Variants in OPRM1 observed in about 807,000 individuals in gnomAD.
The protein encoded by OPRM1 is opioid receptor mu 1.
A neutral mutation model predicts 31.8 loss-of-function variants in OPRM1; 27 were observed. The observed-to-expected ratio is 0.85, with a 90% confidence interval of 0.63 to 1.17. The LOEUF is 1.17. Among genes scored for constraint, OPRM1 ranks in the 50% most tolerant of loss-of-function variants. The pLI is 0.00. For missense variants in OPRM1, 536 were observed against 511.1 expected (o/e 1.05, Z -0.47); for synonymous variants, 196 against 189.9 (o/e 1.03, Z -0.26).
At chr6:154,035,035 A>AATC (rs1439135409), upstream of OPRM1, among the ~76,000 whole-genome samples, 1 of 152,210 alleles carries the variant, frequency 6.6e-6, no homozygotes, top group African/African-American at 2.4e-5. Flanking sequence ...CAGGATATAA[A>AATC]AAGCCAAACA....
intron 3 of OPRM1, among the ~76,000 whole-genome samples, chr6:154,099,291 G>C (rs1328065008): frequency 1.4e-5 from 1 of 71,932 alleles, no homozygotes; most frequent in African/African-American, 5.8e-5. Flanking sequence ...TCGAAAGGAA[G>C]GAAGGAAGGA....
intron 1 of OPRM1, among the ~76,000 whole-genome samples, chr6:154,046,294 G>A (rs1393881166): frequency 6.6e-6 from 1 of 152,090 alleles, no homozygotes; most frequent in Non-Finnish European, 1.5e-5. Flanking sequence ...TTTTGGGTAG[G>A]TTTGGCTGAA....
At chr6:154,170,655 A>G (rs1041889837) in intron 3 of OPRM1, among the ~76,000 whole-genome samples, 5 of 152,254 alleles carry the variant, frequency 3.3e-5, no homozygotes, top group South Asian at 2.1e-4. Flanking sequence ...GTGTGCAGAC[A>G]TCAAAAGTGG....
chr6:154,198,876 T>C (rs78292513), intron 3 of OPRM1, among the ~76,000 whole-genome samples: 2,857 of 152,272 alleles, frequency 0.019, 54 homozygotes, highest in African/African-American at 0.049. Context: ...ACCAAAAATA[T>C]ACAAACCAAA....
intron 1 of OPRM1, among the ~76,000 whole-genome samples, chr6:154,082,321 C>A (rs1455956182): frequency 6.6e-6 from 1 of 151,962 alleles, no homozygotes; most frequent in Non-Finnish European, 1.5e-5. Flanking sequence ...ATTATTCTAT[C>A]CATGTTATTT....
Position 154,039,437 on chromosome 6 carries a change from C to T in OPRM1, c.-108C>T, listed in dbSNP as rs1328682380. On this transcript the variant is annotated 5_prime_UTR_variant, in exon 1 of 4. The change creates a premature stop within an existing upstream ORF in the 5' untranslated region. Coordinates refer to ENST00000330432, the MANE Select transcript of OPRM1 (RefSeq NM_000914.5). ...CAGGACTGGTTTCTGTAAGAAACAG[C>T]AGGAGCTGTGGCAGCGGCGAAAGGA... The T allele has an allele frequency of 1.5e-5, 23 of 1,551,574 alleles. No individual in the cohort carries two copies. The highest frequency in any genetic ancestry group is 2.0e-5 in the Non-Finnish European group (23 of 1,146,920).
chr6:154,130,957 GA>G lies in OPRM1; in HGVS notation c.*12243del, dbSNP rs898847217. On this transcript the variant is annotated 3_prime_UTR_variant, in exon 4 of 4. Coordinates refer to ENST00000330432, the MANE Select transcript of OPRM1 (RefSeq NM_000914.5). The stretch of plus-strand genomic sequence containing the variant: ...TTGTTTTCATTTTATTATGTTATAT[GA>G]AAAAAAGAAACCTTGTAAGTGCAGA... Among the ~76,000 whole-genome samples, 2 of 151,564 alleles carry G rather than the reference GA, an allele frequency of 1.3e-5. No homozygotes were observed. The highest frequency in any genetic ancestry group is 4.8e-5 in the African/African-American group (2 of 41,282).
chr6:154,079,103 A>G (rs1022665423), intron 1 of OPRM1, among the ~76,000 whole-genome samples: 3 of 152,168 alleles, frequency 2.0e-5, no homozygotes, highest in Non-Finnish European at 4.4e-5. Context: ...CCAACTGATC[A>G]TCTCATTCCC....
At position 154,161,936 on chromosome 6, in the gene OPRM1, G is replaced by A. The variant is rs556033209; in HGVS notation, c.1164+70464G>A. 2.0e-5 allele frequency among the ~76,000 whole-genome samples: 3 copies of A among 152,200 alleles called. No individual in the cohort carries two copies. In the South Asian group the frequency reaches 6.2e-4, roughly 32 times the overall value. ...TCCTTTTTCTGGCAGTCTCCCAAAT[G>A]ACTATTTCAAAACTCTTCTCATCTC... On this transcript the variant is annotated intron_variant, in intron 3 of 3. Coordinates refer to the OPRM1 transcript ENST00000337049.
chr6:154,149,597 CGT>C (rs59431090), intron 3 of OPRM1, among the ~76,000 whole-genome samples: 57,295 of 148,054 alleles, frequency 0.39, 11,901 homozygotes, highest in African/African-American at 0.56. Flanking sequence ...CATTCTGGAT[CGT>C]GTGTGTGTGT....
At chr6:154,108,545 A>G (rs1377052121) in intron 3 of OPRM1, 2 of 153,980 alleles carry the variant, frequency 1.3e-5, no homozygotes, top group African/African-American at 4.8e-5. Context: ...TTAGGGAGGA[A>G]AAAGCTCCCC....
At chr6:154,182,041 T>C (rs980340746) in intron 3 of OPRM1, among the ~76,000 whole-genome samples, 10 of 152,064 alleles carry the variant, frequency 6.6e-5, no homozygotes, top group African/African-American at 2.4e-4. Context: ...ATCCCAGAAC[T>C]TAAAATTAAA....
At chr6:154,093,501 C>T (rs2128490736) in intron 3 of OPRM1, 2 of 1,602,184 alleles carry the variant, frequency 1.2e-6, no homozygotes, top group East Asian at 2.2e-5. Context: ...CCAAATTCGG[C>T]ATTTTCACAT....
intron 1 of OPRM1, among the ~76,000 whole-genome samples, chr6:154,072,558 C>A (rs1787013555): frequency 6.6e-6 from 1 of 152,182 alleles, no homozygotes; most frequent in Admixed American, 6.5e-5. Flanking sequence ...GACTCCACTC[C>A]TGGTCCCCAA....
At chr6:154,187,286 C>T (rs1046614642) in intron 3 of OPRM1, among the ~76,000 whole-genome samples, 5 of 152,148 alleles carry the variant, frequency 3.3e-5, no homozygotes, top group African/African-American at 1.2e-4. Context: ...CCTTGCCCTG[C>T]CTCTTGTAAA....
intron 3 of OPRM1, chr6:154,213,140 A>G (rs1778103459): frequency 2.7e-6 from 1 of 371,284 alleles, no homozygotes; most frequent in South Asian, 3.6e-5. Context: ...GGTGTGAGTC[A>G]TAATACCAAG....
chr6:154,025,375 A>C (rs1778636947), intron 1 of OPRM1, among the ~76,000 whole-genome samples: 1 of 151,992 alleles, frequency 6.6e-6, no homozygotes, highest in African/African-American at 2.4e-5. Context: ...TTGACATGGA[A>C]TATCTTTTTC....
At chr6:154,113,035 C>T (rs1021168101) in intron 3 of OPRM1, among the ~76,000 whole-genome samples, 1 of 152,180 alleles carries the variant, frequency 6.6e-6, no homozygotes, top group East Asian at 1.9e-4. Context: ...TCCACCATAC[C>T]GTGGATATTA....
rs749542254 is a variant in OPRM1, at chr6:154,131,987, A to G, written c.*13266A>G. 6.9e-6 allele frequency among the ~76,000 whole-genome samples: 1 copy of G among 144,692 alleles called. No homozygotes were observed. The highest frequency in any genetic ancestry group is 2.0e-4 in the East Asian group (1 of 4,994). 94.9% of individuals were successfully genotyped at this position (144,692 alleles called of 152,430 possible). A position where few individuals can be genotyped will look rare whatever the true frequency, so the allele number is the denominator to read the frequency against. ...TCATTAGTGTGTTAGTTCCATCATCATGTCTGTTTACTATTGAAAAATAAA... is the reference window on the plus strand; with the variant it reads ...TCATTAGTGTGTTAGTTCCATCATCGTGTCTGTTTACTATTGAAAAATAAA... On this transcript the variant is annotated 3_prime_UTR_variant, in exon 4 of 4. Transcript: ENST00000330432.
Sources: gnomAD v4.1 joint callset for allele counts (sites outside exome capture counted in the v4.1 genomes callset) on GRCh38, gnomAD v4.1.1 for gene constraint, MANE v1.5 for transcripts, NCBI Gene and HGNC (gene_info 2026-07-23, HGNC 2026-07-21) for gene names.